Variants in GPC5 observed in about 807,000 individuals in gnomAD.
GPC5 encodes the protein glypican-5.
A neutral mutation model predicts 53.9 loss-of-function variants in GPC5; 47 were observed. The ratio of observed to expected loss-of-function variants is 0.87; its 90% confidence interval spans 0.69 to 1.11. The LOEUF is 1.11. Ranked by LOEUF, GPC5 falls within the 50% of genes most tolerant of loss-of-function variation. The pLI, the probability that GPC5 is intolerant of heterozygous loss-of-function variation, is 0.00. For missense variants in GPC5, 748 were observed against 713.1 expected (o/e 1.05, Z -0.56); for synonymous variants, 286 against 263.3 (o/e 1.09, Z -0.84).
At chr13:91,631,742 C>T (rs969624580) in intron 2 of GPC5, among the ~76,000 whole-genome samples, 1 of 151,632 alleles carries the variant, frequency 6.6e-6, no homozygotes, top group African/African-American at 2.4e-5. Flanking sequence ...CAAGGAGGAA[C>T]CAAAGAGTTT....
chr13:92,533,693 C>A (rs1881634823), intron 7 of GPC5, among the ~76,000 whole-genome samples: 2 of 152,048 alleles, frequency 1.3e-5, no homozygotes, highest in African/African-American at 4.8e-5. Flanking sequence ...AGGTTTTCAT[C>A]AGAAGAAATA....
chr13:91,949,378 T>G (rs1340524607), intron 6 of GPC5, among the ~76,000 whole-genome samples: 4 of 152,198 alleles, frequency 2.6e-5, no homozygotes, highest in African/African-American at 7.2e-5. Flanking sequence ...AGTTAATTCA[T>G]AACTCTATAG....
At chr13:92,844,500 C>T (rs1397167244) in intron 7 of GPC5, among the ~76,000 whole-genome samples, 2 of 151,836 alleles carry the variant, frequency 1.3e-5, no homozygotes, top group East Asian at 3.9e-4. Flanking sequence ...TTCCTTAATA[C>T]ATCTTTTTGC....
At chr13:91,479,938 G>T (rs114059619) in intron 2 of GPC5, among the ~76,000 whole-genome samples, 2,210 of 152,106 alleles carry the variant, frequency 0.015, 60 homozygotes, top group African/African-American at 0.051. Flanking sequence ...TTATAAAAAA[G>T]AAATATATGC....
At chr13:92,537,885 T>G (rs1431346637) in intron 7 of GPC5, among the ~76,000 whole-genome samples, 1 of 152,104 alleles carries the variant, frequency 6.6e-6, no homozygotes, top group Non-Finnish European at 1.5e-5. Flanking sequence ...ACTGTCTCAG[T>G]CTTTTTAATT....
chr13:91,630,981 C>A (rs1410786832), intron 2 of GPC5, among the ~76,000 whole-genome samples: 1 of 152,050 alleles, frequency 6.6e-6, no homozygotes, highest in African/African-American at 2.4e-5. Flanking sequence ...AAGCTTACAT[C>A]TTTTTGTCCC....
chr13:92,419,492 T>C (rs1344362902), intron 7 of GPC5, among the ~76,000 whole-genome samples: 4 of 152,186 alleles, frequency 2.6e-5, no homozygotes, highest in African/African-American at 9.7e-5. Context: ...TAGTGTTAAA[T>C]ATTATTACAT....
intron 2 of GPC5, among the ~76,000 whole-genome samples, chr13:91,522,710 C>T (rs1885885369): frequency 1.3e-5 from 2 of 152,260 alleles, no homozygotes; most frequent in East Asian, 1.9e-4. Context: ...TTTCCCTACC[C>T]CGTGTCCAGG....
intron 2 of GPC5, among the ~76,000 whole-genome samples, chr13:91,488,884 A>T (rs889135484): frequency 2.0e-5 from 3 of 152,216 alleles, no homozygotes; most frequent in Non-Finnish European, 4.4e-5. Flanking sequence ...AGCAAGGAAC[A>T]TCCCTGAGAA....
intron 7 of GPC5, among the ~76,000 whole-genome samples, chr13:92,860,172 T>C (rs1187746558): frequency 6.6e-6 from 1 of 152,156 alleles, no homozygotes; most frequent in Non-Finnish European, 1.5e-5. Flanking sequence ...AACTCCATTA[T>C]TTTTACATAA....
chr13:91,434,511 T>C (rs978856339), intron 1 of GPC5, among the ~76,000 whole-genome samples: 16 of 152,192 alleles, frequency 1.1e-4, no homozygotes, highest in Non-Finnish European at 2.2e-4. Flanking sequence ...CAGATGGTTG[T>C]AGATGTGTGT....
At chr13:92,748,311 T>TTTATTA (rs71202559) in intron 7 of GPC5, among the ~76,000 whole-genome samples, 11,349 of 142,262 alleles carry the variant, frequency 0.08, 557 homozygotes, top group East Asian at 0.23. Context: ...TGCATTTTAT[T>TTTATTA]TTATTATTAT....
At chr13:91,460,668 C>G (rs1436295063) in intron 2 of GPC5, among the ~76,000 whole-genome samples, 1 of 151,964 alleles carries the variant, frequency 6.6e-6, no homozygotes, top group Non-Finnish European at 1.5e-5. Flanking sequence ...AGTGACATTA[C>G]TGTCAAATTT....
chr13:92,814,958 G>GA lies in GPC5; in HGVS notation c.1562-51317dup, dbSNP rs1354942360. 2.6e-5 allele frequency among the ~76,000 whole-genome samples: 4 copies of GA among 151,504 alleles called. 1 individual carries two copies. The highest frequency in any genetic ancestry group is 7.3e-5 in the African/African-American group (3 of 41,106). Reference sequence around the variant, plus strand: ...CTTCTCAAATCGCAAACCACATTTTGAAAAAAATGTTATTTTCTTAAGAAT... The same window carrying GA: ...CTTCTCAAATCGCAAACCACATTTTGAAAAAAAATGTTATTTTCTTAAGAAT... On this transcript the variant is annotated intron_variant, in intron 7 of 7. Transcript: ENST00000377067.
At chr13:91,992,176 T>G (rs2040463012) in intron 6 of GPC5, among the ~76,000 whole-genome samples, 1 of 152,132 alleles carries the variant, frequency 6.6e-6, no homozygotes, top group South Asian at 2.1e-4. Flanking sequence ...GGACTATAGG[T>G]GCACAACACT....
At chr13:91,440,852 AG>A (rs1415998236) in intron 1 of GPC5, among the ~76,000 whole-genome samples, 3 of 152,194 alleles carry the variant, frequency 2.0e-5, no homozygotes, top group Non-Finnish European at 4.4e-5. Flanking sequence ...GGTTGCTTAT[AG>A]ACTGCACAAG....
chr13:91,433,946 G>A (rs1447796481), intron 1 of GPC5, among the ~76,000 whole-genome samples: 2 of 152,146 alleles, frequency 1.3e-5, no homozygotes, highest in East Asian at 1.9e-4. Context: ...TTTCTCTGAT[G>A]GCCAGTGATG....
chr13:91,591,387 C>T (rs2032793332), intron 2 of GPC5, among the ~76,000 whole-genome samples: 1 of 152,116 alleles, frequency 6.6e-6, no homozygotes. Context: ...TTTGTGTTGA[C>T]CTTCGTGAAT....
At chr13:92,382,803 G>A (rs1229986782) in intron 7 of GPC5, among the ~76,000 whole-genome samples, 1 of 151,912 alleles carries the variant, frequency 6.6e-6, no homozygotes, top group Admixed American at 6.6e-5. Context: ...GAGGTCAGGA[G>A]ATCAAGACCA....
Sources: allele counts gnomAD v4.1 joint callset (sites outside exome capture counted in the v4.1 genomes callset), GRCh38; gene constraint gnomAD v4.1.1; transcripts MANE v1.5; gene names NCBI Gene and HGNC (gene_info 2026-07-23, HGNC 2026-07-21).